Variants in FAM78B observed in about 807,000 individuals in gnomAD.
The protein encoded by FAM78B is family with sequence similarity 78 member B.
FAM78B carries 10 observed loss-of-function variants against 20.0 expected under a neutral mutation model. The ratio of observed to expected loss-of-function variants is 0.50; its 90% CI spans 0.31 to 0.85. FAM78B has a LOEUF of 0.85. FAM78B is among the 40% of genes least tolerant of loss of function. The probability of loss-of-function intolerance (pLI) is 0.05; values close to 1 mark genes in which losing one functional copy is unlikely to be tolerated. For missense variants in FAM78B, 283 were observed against 345.0 expected (o/e 0.82, Z 1.42); for synonymous variants, 135 against 132.8 (o/e 1.02, Z -0.12).
At chr1:166,058,499 T>TTGTG (rs67247909) in exon 3 of FAM78B, 7,191 of 145,974 alleles carry the variant, frequency 0.049, 217 homozygotes, top group Non-Finnish European at 0.071. Flanking sequence ...TCCCTAGGCT[T>TTGTG]TGTGTGTGTG....
At chr1:166,096,493 TTTG>T (rs148792747) in intron 1 of FAM78B, among the ~76,000 whole-genome samples, 10 of 152,130 alleles carry the variant, frequency 6.6e-5, no homozygotes, top group Non-Finnish European at 1.5e-4. Flanking sequence ...GTGGTAGCAT[TTTG>T]TTGTTGTTGT....
At chr1:166,107,473 G>C (rs1444191797) in intron 1 of FAM78B, among the ~76,000 whole-genome samples, 1 of 151,998 alleles carries the variant, frequency 6.6e-6, no homozygotes, top group East Asian at 1.9e-4. Context: ...ACCCTGAACA[G>C]ACCAATAACA....
rs1651966810 is a variant in FAM78B at position 166,070,253 on chromosome 1, G to GA, written c.773dup (p.Pro260SerfsTer2). 1.9e-6 allele frequency: 3 copies of GA among 1,545,748 alleles called. No homozygotes were observed. Among genetic ancestry groups the GA allele is most frequent in the Non-Finnish European group, 8.7e-7 (1 of 1,144,858 alleles). ...GGCCAGTCTGCTTCTACTTAGGAGG[G>GA]ATCACAACCAGAGGTGGCCCCCGCT... On this transcript the variant is annotated frameshift_variant, in exon 2 of 2. Coordinates refer to ENST00000354422, the MANE Select transcript of FAM78B (RefSeq NM_001017961.5). LOFTEE classifies it high-confidence loss of function.
rs1013077885 is a variant in FAM78B, at chr1:166,088,593, G to A, written c.264-17830C>T. On this transcript the variant is annotated intron_variant, in intron 1 of 1. Coordinates refer to ENST00000354422, the MANE Select transcript of FAM78B (RefSeq NM_001017961.5). ...ATGTGGGTTACATGAGAAGTATGTG[G>A]AACGGTAGGTGTCACACTTACTGCA... Among the ~76,000 whole-genome samples, 6 of 152,220 alleles carry A rather than the reference G, an allele frequency of 3.9e-5. No homozygotes were observed. In the East Asian group the frequency reaches 1.2e-3, roughly 29 times the overall value.
intron 2 of FAM78B, among the ~76,000 whole-genome samples, chr1:166,061,571 T>C (rs1383456648): frequency 3.9e-5 from 6 of 152,180 alleles, no homozygotes; most frequent in Non-Finnish European, 7.3e-5. Context: ...CGCCATTACA[T>C]ATATAATTGG....
At chr1:166,125,303 T>C (rs1654602610) in intron 1 of FAM78B, among the ~76,000 whole-genome samples, 2 of 152,268 alleles carry the variant, frequency 1.3e-5, no homozygotes, top group African/African-American at 4.8e-5. Flanking sequence ...GTTTCTCCAG[T>C]TGCATATTGA....
intron 1 of FAM78B, among the ~76,000 whole-genome samples, chr1:166,106,446 A>T (rs11808422): frequency 0.6 from 91,040 of 150,534 alleles, 29,087 homozygotes; most frequent in Non-Finnish European, 0.73. Flanking sequence ...AACTTAAATT[A>T]AAAAAAAAAG....
Position 166,166,299 on chromosome 1 carries a change from C to G in FAM78B, c.-51G>C. 1.7e-6 allele frequency: 2 copies of G among 1,178,628 alleles called. No homozygotes were observed. Among genetic ancestry groups the G allele is most frequent in the Non-Finnish European group, 2.1e-6 (2 of 953,520 alleles). The allele number at this position is 1,178,628 out of a possible 1,614,324, so 73.0% of individuals were successfully genotyped here. A position where few individuals can be genotyped will look rare whatever the true frequency, so the allele number is the denominator to read the frequency against. On this transcript the variant is annotated 5_prime_UTR_variant, in exon 1 of 2. Coordinates refer to ENST00000354422, the MANE Select transcript of FAM78B (RefSeq NM_001017961.5). ...CGGCGTGGGGCAGCGCGGGGGCCCG[C>G]GCGGGCAGCCGGGGGCGCCCGTCAC...
At chr1:166,148,665 G>A (rs942164574) in intron 1 of FAM78B, among the ~76,000 whole-genome samples, 1 of 152,210 alleles carries the variant, frequency 6.6e-6, no homozygotes, top group Admixed American at 6.5e-5. Context: ...CTTCTAATGG[G>A]AACTCAACGG....
At chr1:166,109,878 ATATGTATATATG>A (rs1453453336) in intron 1 of FAM78B, among the ~76,000 whole-genome samples, 424 of 16,412 alleles carry the variant, frequency 0.026, 47 homozygotes, top group Non-Finnish European at 0.034. Context: ...GTATATATAT[ATATGTATATATG>A]TATATATATA....
At chr1:166,108,555 G>C (rs1192793563) in intron 1 of FAM78B, among the ~76,000 whole-genome samples, 2 of 152,082 alleles carry the variant, frequency 1.3e-5, no homozygotes, top group Non-Finnish European at 2.9e-5. Context: ...TGGATGGGTC[G>C]AATCAATATT....
chr1:166,154,278 G>A (rs1162195593), intron 1 of FAM78B, among the ~76,000 whole-genome samples: 1 of 152,226 alleles, frequency 6.6e-6, no homozygotes, highest in Non-Finnish European at 1.5e-5. Flanking sequence ...CAGGGCTAGG[G>A]TAAGGGGGGT....
intron 1 of FAM78B, among the ~76,000 whole-genome samples, chr1:166,099,525 G>T (rs1334719535): frequency 6.6e-6 from 1 of 152,164 alleles, no homozygotes; most frequent in South Asian, 2.1e-4. Flanking sequence ...GCCTTCAGGA[G>T]ACTCACCTAG....
chr1:166,101,699 T>G (rs1010283318), intron 1 of FAM78B, among the ~76,000 whole-genome samples: 1 of 152,082 alleles, frequency 6.6e-6, no homozygotes, highest in Non-Finnish European at 1.5e-5. Flanking sequence ...CCAAGAAATA[T>G]GGGACTATGT....
intron 1 of FAM78B, among the ~76,000 whole-genome samples, chr1:166,098,603 A>G (rs572039861): frequency 2.0e-5 from 3 of 152,060 alleles, no homozygotes; most frequent in African/African-American, 2.4e-5. Flanking sequence ...AATGCTCTGG[A>G]AAGTCTCAGC....
intron 1 of FAM78B, among the ~76,000 whole-genome samples, chr1:166,105,052 A>G (rs1215025309): frequency 2.0e-5 from 3 of 152,204 alleles, no homozygotes; most frequent in East Asian, 1.9e-4. Context: ...ATAATGCCAC[A>G]TATCTACAAC....
chr1:166,130,684 T>G lies in FAM78B; in HGVS notation c.263+35302A>C, dbSNP rs731264. Among the ~76,000 whole-genome samples the G allele has an allele frequency of 4.4e-3, 669 of 152,132 alleles. 8 individuals carry two copies. The highest frequency in any genetic ancestry group is 0.015 in the African/African-American group (630 of 41,512). On this transcript the variant is annotated intron_variant, in intron 1 of 1. Transcript: ENST00000354422. ...GCTATTGAGAAACCCTGAATACTTATTAATTAAAATAAGTATTATTAATCA... is the reference window on the plus strand; with the variant it reads ...GCTATTGAGAAACCCTGAATACTTAGTAATTAAAATAAGTATTATTAATCA...
intron 1 of FAM78B, among the ~76,000 whole-genome samples, chr1:166,119,010 C>T (rs1654366840): frequency 6.6e-6 from 1 of 152,064 alleles, no homozygotes; most frequent in Admixed American, 6.5e-5. Context: ...ACAGGACAGG[C>T]CTCACACTTC....
Position 166,070,222 on chromosome 1 carries a change from C to G in FAM78B, c.*19G>C. On this transcript the variant is annotated 3_prime_UTR_variant, in exon 2 of 2. Coordinates refer to ENST00000354422, the MANE Select transcript of FAM78B (RefSeq NM_001017961.5). ...GTCTCAGAGGCGTGTGATCCACACA[C>G]AGTCAGGCCAGTCTGCTTCTACTTA... 1 of 1,511,194 alleles carries G rather than the reference C, an allele frequency of 6.6e-7. No homozygotes were observed. 93.6% of individuals were successfully genotyped at this position (1,511,194 alleles called of 1,614,324 possible).
Sources: gnomAD v4.1 joint callset for allele counts (sites outside exome capture counted in the v4.1 genomes callset) on GRCh38, gnomAD v4.1.1 for gene constraint, MANE v1.5 for transcripts, NCBI Gene and HGNC (gene_info 2026-07-23, HGNC 2026-07-21) for gene names.